SDK1: variants seen among roughly 807,000 people sequenced by gnomAD.
SDK1 encodes sidekick cell adhesion molecule 1, also known as protein sidekick-1.
SDK1 carries 157 observed loss-of-function variants against 245.5 expected under a neutral mutation model. The observed-to-expected ratio is 0.64, with a 90% CI of 0.56 to 0.73. The LOEUF (loss-of-function observed/expected upper bound fraction) is 0.73, where lower values mean the gene tolerates loss of function less well. Ranked by LOEUF, SDK1 falls within the 30% of genes least tolerant of loss-of-function variation. The probability of loss-of-function intolerance (pLI) is 0.00; values close to 1 mark genes in which losing one functional copy is unlikely to be tolerated. For missense variants in SDK1, 3,583 were observed against 3,002.3 expected, an observed-to-expected ratio of 1.19 and a Z score of -4.52; for synonymous variants, 1,647 against 1,278.5, an observed-to-expected ratio of 1.29 and a Z score of -6.15.
chr7:3,767,724 G>A (rs979827441), intron 4 of SDK1, among the ~76,000 whole-genome samples: 3 of 152,132 alleles, frequency 2.0e-5, no homozygotes, highest in African/African-American at 4.8e-5. Flanking sequence ...AACCCAGGCT[G>A]TCTGAATCCC....
intron 14 of SDK1, among the ~76,000 whole-genome samples, chr7:4,000,964 C>T (rs1294791042): frequency 2.0e-5 from 3 of 152,160 alleles, no homozygotes; most frequent in East Asian, 3.9e-4. Flanking sequence ...CTGAGGTCTG[C>T]TTCTGCGTTC....
At chr7:3,992,276 C>T (rs888820077) in intron 14 of SDK1, among the ~76,000 whole-genome samples, 3 of 152,302 alleles carry the variant, frequency 2.0e-5, no homozygotes, top group Admixed American at 1.3e-4. Context: ...CACCCATGTA[C>T]GGGACTCAAG....
At chr7:3,432,872 G>T (rs1779905373) in intron 1 of SDK1, among the ~76,000 whole-genome samples, 1 of 152,142 alleles carries the variant, frequency 6.6e-6, no homozygotes, top group African/African-American at 2.4e-5. Context: ...CTGAAAAATT[G>T]CTTTTCTAGG....
intron 32 of SDK1, among the ~76,000 whole-genome samples, chr7:4,173,237 GA>G (rs1019881927): frequency 4.8e-4 from 73 of 152,314 alleles, no homozygotes; most frequent in African/African-American, 1.6e-3. Flanking sequence ...AGTATCCCAA[GA>G]AGAGACCAGA....
intron 1 of SDK1, among the ~76,000 whole-genome samples, chr7:3,577,041 C>G (rs1458619556): frequency 1.3e-5 from 2 of 151,954 alleles, no homozygotes; most frequent in African/African-American, 4.8e-5. Flanking sequence ...TGACATGACT[C>G]CTTATGCCCA....
chr7:3,483,636 T>C (rs1781586465), intron 1 of SDK1, among the ~76,000 whole-genome samples: 1 of 152,236 alleles, frequency 6.6e-6, no homozygotes, highest in African/African-American at 2.4e-5. Flanking sequence ...TTTTAATGGA[T>C]GCTTCTAATA....
chr7:4,214,102 A>G (rs12672631), intron 38 of SDK1, among the ~76,000 whole-genome samples: 12,253 of 152,172 alleles, frequency 0.081, 665 homozygotes, highest in African/African-American at 0.15. Flanking sequence ...CCACAAAGAC[A>G]TTTGCCCAAG....
At chr7:3,669,663 C>G (rs1277931517) in intron 4 of SDK1, among the ~76,000 whole-genome samples, 1 of 152,136 alleles carries the variant, frequency 6.6e-6, no homozygotes, top group Non-Finnish European at 1.5e-5. Flanking sequence ...CCACCTTATT[C>G]TCCCTCCTTA....
At chr7:3,915,796 G>A (rs993763618) in intron 5 of SDK1, among the ~76,000 whole-genome samples, 10 of 152,220 alleles carry the variant, frequency 6.6e-5, no homozygotes, top group African/African-American at 1.4e-4. Flanking sequence ...GGTTTTACAC[G>A]TCCTAGCCAC....
intron 5 of SDK1, among the ~76,000 whole-genome samples, chr7:3,894,596 C>T (rs1022801040): frequency 3.3e-5 from 5 of 152,124 alleles, no homozygotes; most frequent in African/African-American, 1.2e-4. Context: ...GTGCATATTC[C>T]TGGAGAGCTA....
Position 3,644,809 on chromosome 7 carries a change from C to T in SDK1, c.713+2704C>T, listed in dbSNP as rs554125141. Among the ~76,000 whole-genome samples the T allele has an allele frequency of 3.1e-3, 340 of 111,258 alleles. 3 individuals are homozygous for T. The highest frequency in any genetic ancestry group is 0.025 in the South Asian group (73 of 2,918). 73.0% of individuals were successfully genotyped at this position (111,258 alleles called of 152,430 possible). On this transcript the variant is annotated intron_variant, in intron 4 of 44. Transcript: ENST00000404826. ...AAAAAAAAACAAAAAACAACAACAA[C>T]GGCGGGGCAGGGGGTGGCAGGCAAG... is the stretch of plus-strand genomic sequence containing the variant.
chr7:3,721,233 G>T (rs1469326235), intron 4 of SDK1, among the ~76,000 whole-genome samples: 2 of 152,170 alleles, frequency 1.3e-5, no homozygotes, highest in African/African-American at 4.8e-5. Flanking sequence ...AAATTGCATA[G>T]AGTGTATTTA....
chr7:3,543,980 C>T (rs193080049), intron 1 of SDK1, among the ~76,000 whole-genome samples: 14 of 152,336 alleles, frequency 9.2e-5, no homozygotes, highest in African/African-American at 3.4e-4. Flanking sequence ...ATTATTATCA[C>T]TGGCCATCTC....
chr7:4,257,391 C>A (rs915333386), intron 44 of SDK1, among the ~76,000 whole-genome samples: 34 of 152,158 alleles, frequency 2.2e-4, no homozygotes, highest in Admixed American at 2.2e-3. Context: ...GGAAACTTAC[C>A]AAAAACAGAC....
chr7:3,710,513 G>A (rs889986662), intron 4 of SDK1, among the ~76,000 whole-genome samples: 5 of 152,140 alleles, frequency 3.3e-5, no homozygotes, highest in African/African-American at 1.2e-4. Flanking sequence ...AGCTGCTTAG[G>A]GAAAAATCTC....
intron 1 of SDK1, among the ~76,000 whole-genome samples, chr7:3,508,326 C>CT (rs746963363): frequency 0.011 from 1,462 of 136,182 alleles, 12 homozygotes; most frequent in Non-Finnish European, 0.013. Context: ...TCTTCTTCTT[C>CT]TTTTTTTTTT....
At chr7:4,047,700 T>C (rs1789122378) in intron 17 of SDK1, among the ~76,000 whole-genome samples, 1 of 152,210 alleles carries the variant, frequency 6.6e-6, no homozygotes, top group African/African-American at 2.4e-5. Context: ...CCTCCCGCGC[T>C]CTGTGACGGG....
chr7:3,961,268 G>A (rs746921284), intron 8 of SDK1, among the ~76,000 whole-genome samples: 14 of 152,200 alleles, frequency 9.2e-5, no homozygotes, highest in Non-Finnish European at 1.5e-4. Flanking sequence ...AATTGGTTAT[G>A]CTTTTACCTT....
At chr7:3,758,859 A>C (rs1382424105) in intron 4 of SDK1, among the ~76,000 whole-genome samples, 1 of 152,202 alleles carries the variant, frequency 6.6e-6, no homozygotes, top group African/African-American at 2.4e-5. Flanking sequence ...ACCCATGTAT[A>C]CACACAAGTC....
Sources: allele counts gnomAD v4.1 joint callset (sites outside exome capture counted in the v4.1 genomes callset), GRCh38; gene constraint gnomAD v4.1.1; transcripts MANE v1.5; gene names NCBI Gene and HGNC (gene_info 2026-07-23, HGNC 2026-07-21).